Variants in KCTD16 observed in about 807,000 individuals in gnomAD.
KCTD16 encodes potassium channel tetramerization domain containing 16.
Under a neutral mutation model 33.2 loss-of-function variants are expected in KCTD16, and 13 were observed. The observed-to-expected ratio is 0.39, with a 90% CI of 0.25 to 0.62. The LOEUF (loss-of-function observed/expected upper bound fraction) is 0.62, where lower values mean the gene tolerates loss of function less well. Ranked by LOEUF, KCTD16 falls within the 20% of genes least tolerant of loss-of-function variation. The pLI, the probability that KCTD16 is intolerant of heterozygous loss-of-function variation, is 0.50. For missense variants in KCTD16, 441 were observed against 525.1 expected (o/e 0.84, Z 1.57); for synonymous variants, 197 against 195.3 (o/e 1.01, Z -0.07).
At chr5:144,277,885 T>C (rs1445883301) in intron 3 of KCTD16, among the ~76,000 whole-genome samples, 1 of 152,230 alleles carries the variant, frequency 6.6e-6, no homozygotes, top group Non-Finnish European at 1.5e-5. Context: ...TGTTGCATTT[T>C]TGTTAAGTTT....
At chr5:144,421,931 T>C (rs1753220923) in intron 3 of KCTD16, among the ~76,000 whole-genome samples, 1 of 152,082 alleles carries the variant, frequency 6.6e-6, no homozygotes, top group African/African-American at 2.4e-5. Context: ...CTAAAAGGCA[T>C]GGGATGTTGA....
At chr5:144,337,424 A>T (rs1159065606) in intron 3 of KCTD16, among the ~76,000 whole-genome samples, 1 of 152,140 alleles carries the variant, frequency 6.6e-6, no homozygotes, top group African/African-American at 2.4e-5. Context: ...TGTTTGTTCT[A>T]CTAATCTGTT....
chr5:144,219,592 C>T (rs1421474003), intron 3 of KCTD16, among the ~76,000 whole-genome samples: 1 of 143,446 alleles, frequency 7.0e-6, no homozygotes, highest in Non-Finnish European at 1.5e-5. Flanking sequence ...GCGATCTCGG[C>T]TCACTGCAAC....
rs558255617 is a variant in KCTD16, at chr5:144,406,450, C to A, written c.833-67210C>A. 7.9e-5 allele frequency among the ~76,000 whole-genome samples: 12 copies of A among 152,284 alleles called. No homozygotes were observed. In the South Asian group the frequency reaches 2.5e-3, roughly 32 times the overall value. On this transcript the variant is annotated intron_variant, in intron 3 of 3. Coordinates refer to ENST00000512467, the MANE Select transcript of KCTD16 (RefSeq NM_020768.4). Reference sequence around the variant, plus strand: ...AATTTAAAAATATTTAAAAATAACTCAATGGCAGGGTGTCTTTTGAATGCT... The same window carrying A: ...AATTTAAAAATATTTAAAAATAACTAAATGGCAGGGTGTCTTTTGAATGCT...
chr5:144,350,075 C>T (rs542991951), intron 3 of KCTD16, among the ~76,000 whole-genome samples: 24 of 152,158 alleles, frequency 1.6e-4, no homozygotes, highest in Non-Finnish European at 2.9e-4. Flanking sequence ...TTGGACTCCC[C>T]AGTTTGGGCC....
intron 2 of KCTD16, among the ~76,000 whole-genome samples, chr5:144,199,129 T>A (rs1294314348): frequency 1.3e-5 from 2 of 152,224 alleles, no homozygotes; most frequent in Non-Finnish European, 2.9e-5. Flanking sequence ...GAAGATTTTT[T>A]AAAAAATAAA....
chr5:144,264,186 A>G (rs1339470707), intron 3 of KCTD16, among the ~76,000 whole-genome samples: 3 of 152,176 alleles, frequency 2.0e-5, no homozygotes, highest in Non-Finnish European at 4.4e-5. Context: ...TAATTTATGT[A>G]CTTCTATTTA....
intron 3 of KCTD16, among the ~76,000 whole-genome samples, chr5:144,457,134 A>G (rs1363733949): frequency 6.6e-6 from 1 of 152,264 alleles, no homozygotes; most frequent in East Asian, 1.9e-4. Context: ...ATCTGTGATC[A>G]GGTACTTAAT....
intron 3 of KCTD16, among the ~76,000 whole-genome samples, chr5:144,309,655 G>A (rs1751707553): frequency 6.6e-6 from 1 of 152,104 alleles, no homozygotes; most frequent in Non-Finnish European, 1.5e-5. Context: ...AGACCTCAAA[G>A]GCATAACTAG....
At chr5:144,392,453 G>GCTTTGTGTTAA (rs1172620224) in intron 3 of KCTD16, among the ~76,000 whole-genome samples, 1 of 152,156 alleles carries the variant, frequency 6.6e-6, no homozygotes. Flanking sequence ...AGACCACTAT[G>GCTTTGTGTTAA]ACCACTAGAT....
intron 3 of KCTD16, chr5:144,439,171 C>T (rs936504973): frequency 1.8e-5 from 3 of 170,432 alleles, no homozygotes; most frequent in African/African-American, 2.4e-5. Context: ...TGGATGTTGG[C>T]GGTGTGGGGC....
intron 3 of KCTD16, among the ~76,000 whole-genome samples, chr5:144,453,335 G>C (rs1224031035): frequency 6.6e-6 from 1 of 152,074 alleles, no homozygotes; most frequent in Non-Finnish European, 1.5e-5. Context: ...GTGATCCTAA[G>C]TATGAGTTGA....
At chr5:144,299,727 A>T (rs1028054553) in intron 3 of KCTD16, among the ~76,000 whole-genome samples, 1 of 152,012 alleles carries the variant, frequency 6.6e-6, no homozygotes, top group Non-Finnish European at 1.5e-5. Context: ...GTTGGTACTA[A>T]CTACTACATT....
intron 3 of KCTD16, among the ~76,000 whole-genome samples, chr5:144,388,940 G>A (rs373466038): frequency 9.5e-4 from 144 of 152,286 alleles, no homozygotes; most frequent in African/African-American, 3.2e-3. Flanking sequence ...GAATATATAA[G>A]AGGTAGTAAA....
intron 3 of KCTD16, among the ~76,000 whole-genome samples, chr5:144,276,786 C>A (rs139212803): frequency 6.6e-6 from 1 of 151,968 alleles, no homozygotes; most frequent in Non-Finnish European, 1.5e-5. Context: ...ACCTGTAATC[C>A]CAGCTACTCG....
chr5:144,359,469 A>G (rs890779505), intron 3 of KCTD16, among the ~76,000 whole-genome samples: 1 of 152,044 alleles, frequency 6.6e-6, no homozygotes, highest in East Asian at 1.9e-4. Context: ...TTGCACTGCC[A>G]TTGCTTCTTA....
At chr5:144,301,628 C>T (rs1421247341) in intron 3 of KCTD16, among the ~76,000 whole-genome samples, 2 of 152,164 alleles carry the variant, frequency 1.3e-5, no homozygotes, top group South Asian at 2.1e-4. Flanking sequence ...AATTCACTTG[C>T]ACAATGCCGT....
chr5:144,298,651 C>T (rs544888105), intron 3 of KCTD16, among the ~76,000 whole-genome samples: 2 of 152,186 alleles, frequency 1.3e-5, no homozygotes, highest in South Asian at 4.2e-4. Flanking sequence ...TTTAAGGCCC[C>T]ACAGTAAAGC....
intron 3 of KCTD16, among the ~76,000 whole-genome samples, chr5:144,265,209 C>G (rs1038893528): frequency 6.6e-6 from 1 of 150,956 alleles, no homozygotes; most frequent in African/African-American, 2.4e-5. Flanking sequence ...ATTTTTTTTT[C>G]CAAAACAGAA....
Sources: allele counts gnomAD v4.1 joint callset (sites outside exome capture counted in the v4.1 genomes callset), GRCh38; gene constraint gnomAD v4.1.1; transcripts MANE v1.5; gene names NCBI Gene and HGNC (gene_info 2026-07-23, HGNC 2026-07-21).